Variants in OR51B5 observed in about 807,000 individuals in gnomAD.
OR51B5 encodes olfactory receptor family 51 subfamily B member 5, also known as olfactory receptor 51B5.
For missense variants in OR51B5, 456 were observed against 374.6 expected (o/e 1.22, Z -1.79); for synonymous variants, 186 against 144.8 (o/e 1.28, Z -2.04).
intron 1 of OR51B5, among the ~76,000 whole-genome samples, chr11:5,397,478 A>T (rs547633334): frequency 6.6e-6 from 1 of 151,782 alleles, no homozygotes; most frequent in Non-Finnish European, 1.5e-5. Context: ...CATCAGAGAA[A>T]TGCAAATCAA....
At chr11:5,459,934 C>T (rs1300494167) in intron 1 of OR51B5, among the ~76,000 whole-genome samples, 1 of 152,096 alleles carries the variant, frequency 6.6e-6, no homozygotes, top group Non-Finnish European at 1.5e-5. Context: ...TGTGTATGTT[C>T]ACTGCAGCAC....
At chr11:5,502,375 C>T (rs1385128441) in intron 1 of OR51B5, among the ~76,000 whole-genome samples, 1 of 152,184 alleles carries the variant, frequency 6.6e-6, no homozygotes, top group Admixed American at 6.5e-5. Context: ...GAGCTCCAGT[C>T]AAAATCAGGA....
At chr11:5,459,219 C>G (rs558586735) in intron 1 of OR51B5, among the ~76,000 whole-genome samples, 4 of 152,170 alleles carry the variant, frequency 2.6e-5, no homozygotes, top group Non-Finnish European at 4.4e-5. Flanking sequence ...GTTACATGGT[C>G]TTTGCTTTTA....
chr11:5,500,027 G>C (rs420405), intron 1 of OR51B5, among the ~76,000 whole-genome samples: 1 of 152,214 alleles, frequency 6.6e-6, no homozygotes, highest in African/African-American at 2.4e-5. Context: ...CCTAGCCTAG[G>C]GGTATAAGAG....
At chr11:5,402,124 A>G (rs7478845) in intron 1 of OR51B5, among the ~76,000 whole-genome samples, 143,208 of 151,920 alleles carry the variant, frequency 0.94, 67,909 homozygotes, top group Non-Finnish European at 0.98. Context: ...TGATCTTCCC[A>G]CCTCAGCCTC....
intron 1 of OR51B5, among the ~76,000 whole-genome samples, chr11:5,416,897 T>C (rs1415437070): frequency 2.6e-5 from 4 of 152,018 alleles, no homozygotes; most frequent in South Asian, 2.1e-4. Flanking sequence ...AAGCTAACAA[T>C]GTCTTTCTTC....
chr11:5,422,076 C>G, intron 1 of OR51B5: 1 of 773,328 alleles, frequency 1.3e-6, no homozygotes, highest in South Asian at 1.9e-5. Context: ...GCTTTAGTTA[C>G]CCTCAACAAC....
At chr11:5,370,566 G>A (rs1849432380) in intron 1 of OR51B5, among the ~76,000 whole-genome samples, 1 of 151,898 alleles carries the variant, frequency 6.6e-6, no homozygotes, top group African/African-American at 2.4e-5. Context: ...CACTCTTTCT[G>A]TGTTTAGAAA....
chr11:5,342,905 AG>A lies in OR51B5; in HGVS notation c.619del (p.Leu207TrpfsTer4), dbSNP rs753591701. 1.4e-5 allele frequency: 23 copies of A among 1,613,938 alleles called. No homozygotes were observed. In the African/African-American group the frequency reaches 2.9e-4, roughly 21 times the overall value. ...GGAGATGAAGATAATCAGATAATCC[AG>A]CACAAATATAAAGACTACAAGCACA... On this transcript the variant is annotated frameshift_variant, in exon 1 of 1. Coordinates refer to ENST00000300773, the Ensembl canonical transcript of OR51B5. LOFTEE classifies it low-confidence loss of function (END_TRUNC).
At chr11:5,413,512 G>C (rs1027758082) in intron 1 of OR51B5, among the ~76,000 whole-genome samples, 1 of 151,874 alleles carries the variant, frequency 6.6e-6, no homozygotes, top group South Asian at 2.1e-4. Flanking sequence ...TCAAACCAAA[G>C]GCAAAGAAGT....
At position 5,459,068 on chromosome 11, in the gene OR51B5, A is replaced by G. The variant is rs577680283; in HGVS notation, n.84+46501T>C. Among the ~76,000 whole-genome samples the G allele has an allele frequency of 5.9e-5, 9 of 152,310 alleles. No homozygotes were observed. The South Asian group carries it at 1.7e-3, about 28-fold the overall frequency. Reference sequence around the variant, plus strand: ...GAATGCTTCTAGCTTTTGCCCATTTAGTATGATGTTGGCTGTTAGTTTCTC... The same window carrying G: ...GAATGCTTCTAGCTTTTGCCCATTTGGTATGATGTTGGCTGTTAGTTTCTC... On this transcript the variant is annotated intron_variant and non_coding_transcript_variant, in intron 1 of 4. Transcript: ENST00000415970.
intron 1 of OR51B5, among the ~76,000 whole-genome samples, chr11:5,360,505 G>C (rs1849266597): frequency 1.3e-5 from 2 of 150,948 alleles, no homozygotes; most frequent in South Asian, 4.2e-4. Context: ...GTGCTGGAGA[G>C]GATGTGAAGA....
rs569995562 is a variant in OR51B5, at chr11:5,377,215, G to C, written n.85-30305C>G. Reference sequence around the variant, plus strand: ...ACAGAACCAAAGACAAAAACCACATGATTATCTCAATAGATGCAGAAAAGG... The same window carrying C: ...ACAGAACCAAAGACAAAAACCACATCATTATCTCAATAGATGCAGAAAAGG... On this transcript the variant is annotated intron_variant and non_coding_transcript_variant, in intron 1 of 4. Transcript: ENST00000415970. Among the ~76,000 whole-genome samples, 690 of 152,172 alleles carry C rather than the reference G, an allele frequency of 4.5e-3. 2 individuals are homozygous for C. Among genetic ancestry groups the C allele is most frequent in the Non-Finnish European group, 8.2e-3 (557 of 67,998 alleles).
chr11:5,351,939 G>A lies in OR51B5; in HGVS notation n.85-5029C>T, dbSNP rs757168732. On this transcript the variant is annotated intron_variant and non_coding_transcript_variant, in intron 1 of 4. Coordinates refer to the OR51B5 transcript ENST00000415970. ...ACACCCAGGTAATGAAGATTGGTGT[G>A]CGGGTATTGACAAGGGCTGGTCTGT... The A allele has an allele frequency of 1.8e-5, 29 of 1,613,066 alleles. No homozygotes were observed. In the African/African-American group the frequency reaches 3.6e-4, roughly 20 times the overall value.
intron 1 of OR51B5, among the ~76,000 whole-genome samples, chr11:5,368,728 A>G (rs890613734): frequency 2.0e-5 from 3 of 152,162 alleles, no homozygotes; most frequent in African/African-American, 7.2e-5. Flanking sequence ...CTAAACATTG[A>G]GTTACTCAAA....
intron 1 of OR51B5, among the ~76,000 whole-genome samples, chr11:5,353,557 G>T (rs572407497): frequency 6.6e-6 from 1 of 152,348 alleles, no homozygotes; most frequent in Non-Finnish European, 1.5e-5. Context: ...AAATACTTTT[G>T]ATTCTTTTCA....
intron 1 of OR51B5, chr11:5,402,478 A>C (rs1429947383): frequency 5.6e-6 from 2 of 359,384 alleles, no homozygotes; most frequent in Non-Finnish European, 5.5e-6. Context: ...TAAATCTGTG[A>C]GTTTGCTTTT....
intron 1 of OR51B5, among the ~76,000 whole-genome samples, chr11:5,371,903 A>AT (rs780789928): frequency 1.3e-5 from 2 of 151,632 alleles, no homozygotes; most frequent in Non-Finnish European, 2.9e-5. Flanking sequence ...ACTTCTCCCT[A>AT]TTTTCTCTTT....
intron 1 of OR51B5, among the ~76,000 whole-genome samples, chr11:5,389,201 A>G (rs1221479525): frequency 6.6e-6 from 1 of 152,182 alleles, no homozygotes; most frequent in Non-Finnish European, 1.5e-5. Context: ...TAATTGAAAT[A>G]CAGAGGAAAA....
Sources: allele counts gnomAD v4.1 joint callset (sites outside exome capture counted in the v4.1 genomes callset), GRCh38; gene constraint gnomAD v4.1.1; transcripts MANE v1.5; gene names NCBI Gene and HGNC (gene_info 2026-07-23, HGNC 2026-07-21).